KIF16B: variants seen among roughly 807,000 people sequenced by gnomAD.
The protein encoded by KIF16B is kinesin-like protein KIF16B.
KIF16B carries 98 observed loss-of-function variants against 156.3 expected under a neutral mutation model. The observed-to-expected ratio is 0.63, with a 90% CI of 0.53 to 0.74. The LOEUF is 0.74. Ranked by LOEUF, KIF16B falls within the 30% of genes least tolerant of loss-of-function variation. KIF16B has a pLI of 0.00. For synonymous variants in KIF16B, 564 were observed against 583.7 expected (o/e 0.97, Z 0.49); for missense variants, 1,421 against 1,606.5 (o/e 0.88, Z 1.97).
chr20:16,464,096 C>T (rs1446224634), intron 12 of KIF16B, among the ~76,000 whole-genome samples: 3 of 152,044 alleles, frequency 2.0e-5, no homozygotes, highest in Non-Finnish European at 2.9e-5. Flanking sequence ...ACATTTTTAA[C>T]GTCTAATAAT....
rs1032358585 is a variant in KIF16B at position 16,513,398 on chromosome 20, C to G, written c.349-475G>C. Among the ~76,000 whole-genome samples the G allele has an allele frequency of 6.0e-4, 92 of 152,074 alleles. 3 individuals carry two copies. Among genetic ancestry groups the G allele is most frequent in the Non-Finnish European group, 3.5e-4 (24 of 68,022 alleles). ...TGCTGGCCGGGTGCGGTGGTTCACA[C>G]TTGTAATCCCAGCACTTTGGGAGGC... On this transcript the variant is annotated intron_variant, in intron 4 of 25. Transcript: ENST00000354981.
intron 15 of KIF16B, among the ~76,000 whole-genome samples, chr20:16,409,476 T>C (rs970195211): frequency 2.6e-5 from 4 of 152,018 alleles, no homozygotes; most frequent in African/African-American, 9.7e-5. Context: ...TGCAGCAGCA[T>C]AACATGATTA....
chr20:16,473,900 G>C (rs908136390), intron 12 of KIF16B, among the ~76,000 whole-genome samples: 2 of 152,212 alleles, frequency 1.3e-5, no homozygotes, highest in Non-Finnish European at 2.9e-5. Flanking sequence ...AATGAGCTCT[G>C]AGTATTTTTC....
chr20:16,520,897 G>A (rs2069325107), intron 3 of KIF16B, among the ~76,000 whole-genome samples: 2 of 152,176 alleles, frequency 1.3e-5, no homozygotes, highest in African/African-American at 4.8e-5. Context: ...AGGGTCTGGA[G>A]TGGGCCTCCA....
chr20:16,348,764 A>C (rs2123082626), intron 23 of KIF16B, among the ~76,000 whole-genome samples: 1 of 152,374 alleles, frequency 6.6e-6, no homozygotes, highest in East Asian at 1.9e-4. Context: ...TGTGAGGTAC[A>C]ACAAAATTCC....
intron 1 of KIF16B, among the ~76,000 whole-genome samples, chr20:16,536,477 C>A (rs536081996): frequency 6.6e-6 from 1 of 152,158 alleles, no homozygotes; most frequent in African/African-American, 2.4e-5. Flanking sequence ...TTCAGAATAG[C>A]TAGAAAAGAG....
At chr20:16,275,555 A>G (rs2063048282) in intron 25 of KIF16B, among the ~76,000 whole-genome samples, 1 of 152,118 alleles carries the variant, frequency 6.6e-6, no homozygotes, top group Admixed American at 6.6e-5. Flanking sequence ...TTGCCAGGAG[A>G]GGTGAGCAAG....
At chr20:16,280,397 CT>C (rs757823659) in intron 25 of KIF16B, among the ~76,000 whole-genome samples, 1 of 152,192 alleles carries the variant, frequency 6.6e-6, no homozygotes, top group Non-Finnish European at 1.5e-5. Flanking sequence ...CCAAGTTCAG[CT>C]AACAGTCTGA....
At chr20:16,448,295 G>C (rs2066988154) in intron 12 of KIF16B, among the ~76,000 whole-genome samples, 1 of 152,082 alleles carries the variant, frequency 6.6e-6, no homozygotes, top group Admixed American at 6.5e-5. Context: ...TTCATGCTGT[G>C]TTTATGCTAA....
chr20:16,333,632 C>G (rs897522335), intron 24 of KIF16B, among the ~76,000 whole-genome samples: 1 of 152,160 alleles, frequency 6.6e-6, no homozygotes, highest in Non-Finnish European at 1.5e-5. Flanking sequence ...TGCCTGGTAC[C>G]AAGTAACTTC....
chr20:16,345,941 G>A (rs893777587), intron 23 of KIF16B, among the ~76,000 whole-genome samples: 11 of 152,222 alleles, frequency 7.2e-5, no homozygotes, highest in South Asian at 2.1e-4. Flanking sequence ...CTTTGGGAAC[G>A]TTCACCGGCT....
At chr20:16,563,664 C>T (rs1172182461) in intron 1 of KIF16B, among the ~76,000 whole-genome samples, 2 of 152,288 alleles carry the variant, frequency 1.3e-5, no homozygotes, top group East Asian at 1.9e-4. Flanking sequence ...CATACACACT[C>T]GATCTCTGCC....
At position 16,381,712 on chromosome 20, in the gene KIF16B, T is replaced by G; in HGVS notation, c.1820A>C (p.Glu607Ala). 6.2e-7 allele frequency: 1 copy of G among 1,612,442 alleles called. No homozygotes were observed. The highest frequency in any genetic ancestry group is 8.5e-7 in the Non-Finnish European group (1 of 1,179,036). Residue 607 changes from glutamate to alanine, a missense_variant, in exon 18 of 26, where the codon GAA (glutamate) becomes GCA (alanine). Physicochemically the swap from Glu to Ala is moderately radical, Grantham distance 107. Transcript: ENST00000354981. ...GACTTACCTTTTACTTTCTAATTTT[T>G]CAAGTTCTTCACGCTGTTGCCTCTC... ...EFERQQREEL[E>A]KLESKRKLIE...
chr20:16,373,710 G>A (rs2064876969), intron 20 of KIF16B, among the ~76,000 whole-genome samples: 1 of 152,166 alleles, frequency 6.6e-6, no homozygotes, highest in Non-Finnish European at 1.5e-5. Context: ...CTCACTTTGT[G>A]CTGGATGAGC....
At chr20:16,417,329 C>T (rs1332111821) in intron 15 of KIF16B, among the ~76,000 whole-genome samples, 1 of 152,138 alleles carries the variant, frequency 6.6e-6, no homozygotes, top group Non-Finnish European at 1.5e-5. Context: ...ACACCCACTG[C>T]TACTGGAGGA....
chr20:16,373,144 G>T (rs1285913359), intron 20 of KIF16B, among the ~76,000 whole-genome samples: 1 of 151,816 alleles, frequency 6.6e-6, no homozygotes, highest in Non-Finnish European at 1.5e-5. Context: ...TAAAATGCTA[G>T]GCAAAGAGAT....
At chr20:16,360,239 C>A (rs570914365) in intron 22 of KIF16B, among the ~76,000 whole-genome samples, 31 of 152,020 alleles carry the variant, frequency 2.0e-4, no homozygotes, top group Admixed American at 5.2e-4. Flanking sequence ...TATGTTTATA[C>A]TGGACAGGAA....
Position 16,380,156 on chromosome 20 carries a change from T to C in KIF16B, c.1846A>G (p.Ile616Val), listed in dbSNP as rs754830794. The C allele has an allele frequency of 3.3e-6, 5 of 1,509,618 alleles. 1 individual carries two copies. The highest frequency in any genetic ancestry group is 2.8e-5 in the South Asian group (2 of 71,648). 93.5% of individuals were successfully genotyped at this position (1,509,618 alleles called of 1,614,324 possible). A position where few individuals can be genotyped will look rare whatever the true frequency, so the allele number is the denominator to read the frequency against. ...TTCTGCTTTTCCTCCATTTCTTCTA[T>C]GAGTTTCCTGAAATGCAAAGCACTG... ...LEKLESKRKL[I>V]EEMEEKQKSD... The change falls in exon 19 of 26, where the codon ATA becomes GTA. Residue 616 changes from isoleucine (I) to valine (V), a missense_variant. Transcript: ENST00000354981.
In KIF16B at chr20:16,378,858, C is replaced by G; in HGVS notation, c.3144G>C (p.Gly1048=). ...SLNSGSREQS[G]LQASLEAEQE... ...GCTCAGCCTCCAGGCTAGCCTGGAG[C>G]CCTGACTGCTCTCTGCTGCCACTGT... Residue 1048 remains glycine, a synonymous_variant, in exon 19 of 26, where the codon GGG becomes GGC. Transcript: ENST00000354981. The G allele has an allele frequency of 6.2e-7, 1 of 1,614,010 alleles. No homozygotes were observed.
Sources: allele counts gnomAD v4.1 joint callset (sites outside exome capture counted in the v4.1 genomes callset), GRCh38; gene constraint gnomAD v4.1.1; transcripts MANE v1.5; gene names NCBI Gene and HGNC (gene_info 2026-07-23, HGNC 2026-07-21).